The following BLTP1 variants were observed in gnomAD, a reference collection of about 807,000 sequenced individuals.
BLTP1 encodes bridge-like lipid transfer protein family member 1.
At chr4:122,218,665 A>G in the BLTP1 span, among the ~76,000 whole-genome samples, 4 of 147,216 alleles carry the variant, frequency 2.7e-5, no homozygotes, top group Non-Finnish European at 6.0e-5. Context: ...GAGAGATCAA[A>G]TGGCCAAAAT....
At chr4:122,170,825 GA>G in the BLTP1 span, 2 of 872,182 alleles carry the variant, frequency 2.3e-6, no homozygotes, top group Non-Finnish European at 3.5e-6. Flanking sequence ...GTGGTTGACT[GA>G]AGTTGGAACA....
chr4:122,292,946 C>A, the BLTP1 span: 1 of 429,922 alleles, frequency 2.3e-6, no homozygotes, highest in Non-Finnish European at 3.1e-6. Flanking sequence ...ACTGATACCC[C>A]AAAGGCTAAT....
chr4:122,162,497 G>T, the BLTP1 span: 12 of 985,188 alleles, frequency 1.2e-5, no homozygotes, highest in African/African-American at 8.7e-5. Context: ...TGGGAAAATT[G>T]TAATCAACCA....
the BLTP1 span, chr4:122,176,039 T>A: frequency 1.7e-6 from 1 of 579,166 alleles, no homozygotes; most frequent in African/African-American, 1.9e-5. Flanking sequence ...CGGTGGCTTA[T>A]GTCTGTAATC....
At chr4:122,281,466 C>G in the BLTP1 span, 2 of 1,432,378 alleles carry the variant, frequency 1.4e-6, no homozygotes, top group African/African-American at 2.9e-5. Context: ...ACTGAGAAAT[C>G]CAGTGATTTT....
At chr4:122,167,806 G>T in the BLTP1 span, 818 of 985,386 alleles carry the variant, frequency 8.3e-4, 8 homozygotes, top group African/African-American at 0.013. Context: ...GCAGACGCAT[G>T]CTTTACTCTG....
the BLTP1 span, chr4:122,209,788 A>T: frequency 1.2e-6 from 2 of 1,609,802 alleles, no homozygotes; most frequent in South Asian, 2.2e-5. Context: ...TGAGTATCTG[A>T]CTAGAAACTG....
At chr4:122,199,359 G>A in the BLTP1 span, 4 of 1,611,300 alleles carry the variant, frequency 2.5e-6, no homozygotes, top group South Asian at 4.4e-5. Context: ...TTATTATTAG[G>A]TTACACTCCT....
chr4:122,162,919 A>G, the BLTP1 span, among the ~76,000 whole-genome samples: 1 of 152,202 alleles, frequency 6.6e-6, no homozygotes, highest in Non-Finnish European at 1.5e-5. Context: ...GATAAAAGAA[A>G]TGTTCCTCTT....
At chr4:122,243,019 G>T in the BLTP1 span, 1 of 1,609,832 alleles carries the variant, frequency 6.2e-7, no homozygotes, top group African/African-American at 1.3e-5. Flanking sequence ...GGGGCTCACA[G>T]CTAATTCTTT....
At chr4:122,339,062 A>C in the BLTP1 span, 10 of 839,256 alleles carry the variant, frequency 1.2e-5, no homozygotes, top group Non-Finnish European at 1.8e-5. Context: ...GTTGTGGTTT[A>C]TGTATGAGTT....
chr4:122,295,232 G>C, the BLTP1 span, among the ~76,000 whole-genome samples: 1 of 151,924 alleles, frequency 6.6e-6, no homozygotes, highest in Non-Finnish European at 1.5e-5. Flanking sequence ...AGCAAGACAG[G>C]CCAACATTCG....
chr4:122,320,131 C>T, the BLTP1 span, among the ~76,000 whole-genome samples: 1 of 152,058 alleles, frequency 6.6e-6, no homozygotes, highest in Non-Finnish European at 1.5e-5. Context: ...TAGTTTGGGC[C>T]TCACATAGTT....
the BLTP1 span, among the ~76,000 whole-genome samples, chr4:122,253,137 T>A: frequency 6.6e-6 from 1 of 152,126 alleles, no homozygotes; most frequent in African/African-American, 2.4e-5. Context: ...CAGAAACTTA[T>A]AACACCCAAG....
At chr4:122,330,868 G>T in the BLTP1 span, 4 of 373,358 alleles carry the variant, frequency 1.1e-5, no homozygotes, top group African/African-American at 8.8e-5. Context: ...ATTTTGAGTT[G>T]ATTTTTTTGT....
At chr4:122,207,538 T>C in the BLTP1 span, 1 of 1,579,968 alleles carries the variant, frequency 6.3e-7, no homozygotes, top group Non-Finnish European at 8.6e-7. Flanking sequence ...TTTTCTTTTG[T>C]AGTGTATCTG....
chr4:122,285,831 T>G, the BLTP1 span, among the ~76,000 whole-genome samples: 2 of 152,210 alleles, frequency 1.3e-5, no homozygotes, highest in African/African-American at 4.8e-5. Context: ...GATCTTGATT[T>G]TAATAAGGCT....
the BLTP1 span, among the ~76,000 whole-genome samples, chr4:122,264,638 G>A: frequency 2.0e-5 from 3 of 152,182 alleles, no homozygotes; most frequent in African/African-American, 7.2e-5. Context: ...TCATTAAATA[G>A]AAGAGTCTCA....
the BLTP1 span, among the ~76,000 whole-genome samples, chr4:122,341,467 T>C: frequency 5.3e-5 from 8 of 152,196 alleles, no homozygotes; most frequent in Non-Finnish European, 8.8e-5. Flanking sequence ...TGTTAATCTT[T>C]TAATGACAAA....
Sources: allele counts gnomAD v4.1 joint callset (sites outside exome capture counted in the v4.1 genomes callset), GRCh38; gene constraint gnomAD v4.1.1; transcripts MANE v1.5; gene names NCBI Gene and HGNC (gene_info 2026-07-23, HGNC 2026-07-21).